The following HYCC1 variants were observed in gnomAD, a reference collection of about 807,000 sequenced individuals.
HYCC1 encodes hyccin PI4KA lipid kinase complex subunit 1.
chr7:22,984,999 T>C, the HYCC1 span, among the ~76,000 whole-genome samples: 1 of 152,118 alleles, frequency 6.6e-6, no homozygotes, highest in South Asian at 2.1e-4. Context: ...GAAATCTGAA[T>C]AAAAACATTT....
chr7:22,946,397 T>C, the HYCC1 span, among the ~76,000 whole-genome samples: 1 of 152,040 alleles, frequency 6.6e-6, no homozygotes, highest in Admixed American at 6.6e-5. Context: ...AAGCATGCCA[T>C]AAACCATACC....
At chr7:22,984,023 G>A in the HYCC1 span, 9 of 1,601,956 alleles carry the variant, frequency 5.6e-6, no homozygotes, top group Admixed American at 1.5e-4. Context: ...GGCATAATTT[G>A]GTAAAGATGT....
the HYCC1 span, among the ~76,000 whole-genome samples, chr7:22,957,251 G>C: frequency 6.6e-6 from 1 of 150,436 alleles, no homozygotes; most frequent in Non-Finnish European, 1.5e-5. Context: ...AAACACACCA[G>C]TACATTCACA....
At chr7:22,992,246 G>C in the HYCC1 span, among the ~76,000 whole-genome samples, 2 of 152,070 alleles carry the variant, frequency 1.3e-5, no homozygotes, top group African/African-American at 4.8e-5. Flanking sequence ...GGTTCCTGCT[G>C]TCTAATTCTC....
the HYCC1 span, among the ~76,000 whole-genome samples, chr7:23,003,554 A>G: frequency 6.6e-6 from 1 of 152,244 alleles, no homozygotes; most frequent in African/African-American, 2.4e-5. Flanking sequence ...ACATAACAGC[A>G]TATGGAAATA....
At chr7:22,964,816 T>G in the HYCC1 span, among the ~76,000 whole-genome samples, 1 of 152,174 alleles carries the variant, frequency 6.6e-6, no homozygotes, top group Non-Finnish European at 1.5e-5. Context: ...CAATAATTTT[T>G]GGGTACTGCT....
the HYCC1 span, among the ~76,000 whole-genome samples, chr7:22,919,709 A>G: frequency 3.3e-5 from 5 of 152,166 alleles, no homozygotes; most frequent in Non-Finnish European, 7.3e-5. Flanking sequence ...AAGTGTCAGA[A>G]GAATCAACAA....
chr7:22,971,638 T>C, the HYCC1 span, among the ~76,000 whole-genome samples: 11,453 of 138,312 alleles, frequency 0.083, 556 homozygotes, highest in African/African-American at 0.15. Context: ...ATTGTGCCAC[T>C]GCACTCCAGC....
the HYCC1 span, among the ~76,000 whole-genome samples, chr7:22,897,816 G>T: frequency 2.0e-5 from 3 of 151,712 alleles, no homozygotes; most frequent in Non-Finnish European, 4.4e-5. Context: ...ATTTATTTTT[G>T]TAGAGATGGG....
chr7:23,001,189 A>G, the HYCC1 span, among the ~76,000 whole-genome samples: 4 of 152,162 alleles, frequency 2.6e-5, no homozygotes, highest in African/African-American at 9.7e-5. Context: ...TGTTTCTGGC[A>G]CTATGCTAAG....
At chr7:22,975,845 T>C in the HYCC1 span, among the ~76,000 whole-genome samples, 1 of 152,232 alleles carries the variant, frequency 6.6e-6, no homozygotes, top group Non-Finnish European at 1.5e-5. Flanking sequence ...GCCTCCCAGG[T>C]AGCTGGGACT....
At chr7:22,964,514 T>C in the HYCC1 span, 1 of 1,599,498 alleles carries the variant, frequency 6.3e-7, no homozygotes, top group Non-Finnish European at 8.6e-7. Context: ...TTGTCGAGGA[T>C]ATCCACAAAC....
the HYCC1 span, among the ~76,000 whole-genome samples, chr7:22,974,802 C>A: frequency 6.6e-6 from 1 of 152,174 alleles, no homozygotes; most frequent in East Asian, 1.9e-4. Context: ...GTGGGAGGAA[C>A]CCAGTCAGGG....
At chr7:22,952,148 C>T in the HYCC1 span, among the ~76,000 whole-genome samples, 1 of 151,894 alleles carries the variant, frequency 6.6e-6, no homozygotes, top group East Asian at 1.9e-4. Context: ...ATTCTTCCCT[C>T]ACTATATAAT....
At chr7:22,926,121 C>A in the HYCC1 span, among the ~76,000 whole-genome samples, 1 of 152,098 alleles carries the variant, frequency 6.6e-6, no homozygotes, top group Non-Finnish European at 1.5e-5. Flanking sequence ...ACTTTACAGA[C>A]AAGCAAATGC....
At chr7:22,941,283 TA>T in the HYCC1 span, 2 of 145,922 alleles carry the variant, frequency 1.4e-5, no homozygotes, top group African/African-American at 5.1e-5. Context: ...TTTATTTCAA[TA>T]AAACAAGAGG....
At chr7:23,013,770 G>A in the HYCC1 span, among the ~76,000 whole-genome samples, 1 of 151,418 alleles carries the variant, frequency 6.6e-6, no homozygotes, top group South Asian at 2.1e-4. Flanking sequence ...GGCGCCTCGC[G>A]CGGGAGCCGT....
At chr7:22,977,029 G>A in the HYCC1 span, among the ~76,000 whole-genome samples, 3 of 151,894 alleles carry the variant, frequency 2.0e-5, no homozygotes, top group African/African-American at 7.3e-5. Flanking sequence ...ATTCTACCAT[G>A]GAAATACACA....
At chr7:23,013,479 G>C in the HYCC1 span, among the ~76,000 whole-genome samples, 1 of 152,232 alleles carries the variant, frequency 6.6e-6, no homozygotes, top group African/African-American at 2.4e-5. Context: ...AGAGGAGGCA[G>C]AGGCCAGAGC....
Sources: allele counts gnomAD v4.1 joint callset (sites outside exome capture counted in the v4.1 genomes callset), GRCh38; gene constraint gnomAD v4.1.1; transcripts MANE v1.5; gene names NCBI Gene and HGNC (gene_info 2026-07-23, HGNC 2026-07-21).